JPH3: variants seen among roughly 807,000 people sequenced by gnomAD.
The protein encoded by JPH3 is junctophilin-3.
JPH3 carries 11 observed loss-of-function variants against 59.6 expected under a neutral mutation model. The ratio of observed to expected loss-of-function variants is 0.18; its 90% CI spans 0.12 to 0.31. JPH3 has a LOEUF of 0.31. JPH3 is among the 10% of genes least tolerant of loss of function. JPH3 has a pLI of 1.00. For synonymous variants in JPH3, 673 were observed against 483.6 expected (o/e 1.39, Z -5.14); for missense variants, 1,202 against 1,105.7 (o/e 1.09, Z -1.24).
chr16:87,637,317 C>T (rs2031783471), intron 1 of JPH3, among the ~76,000 whole-genome samples: 1 of 152,104 alleles, frequency 6.6e-6, no homozygotes, highest in Non-Finnish European at 1.5e-5. Context: ...AAACCCCAGC[C>T]CTGTGAGCAG....
At position 87,684,172 on chromosome 16, in the gene JPH3, A is replaced by G; in HGVS notation, c.1191A>G (p.Ala397=). ...RTSHSRAKAE[A]ALTAAQKAQE... ...CCCACTCTCGGGCAAAGGCCGAGGC[A>G]GCCCTCACAGCAGCTCAGAAAGCCC... Residue 397 remains alanine, a synonymous_variant, in exon 3 of 5, where the codon GCA becomes GCG. Transcript: ENST00000284262. 1.2e-6 allele frequency: 2 copies of G among 1,613,638 alleles called. No homozygotes were observed. The highest frequency in any genetic ancestry group is 2.2e-5 in the East Asian group (1 of 44,882).
chr16:87,618,425 C>T (rs1211655522), intron 1 of JPH3, among the ~76,000 whole-genome samples: 5 of 152,216 alleles, frequency 3.3e-5, no homozygotes, highest in Admixed American at 2.0e-4. Context: ...TTGTGGCAAA[C>T]ACCTCATCCC....
chr16:87,695,097 TCTC>T (rs1372127391), intron 4 of JPH3: 2 of 352,808 alleles, frequency 5.7e-6, no homozygotes, highest in African/African-American at 4.3e-5. Context: ...TCCCCGGTGT[TCTC>T]ATCAATTCTC....
chr16:87,610,200 C>T (rs529417011), intron 1 of JPH3, among the ~76,000 whole-genome samples: 10 of 152,164 alleles, frequency 6.6e-5, no homozygotes, highest in East Asian at 1.9e-4. Flanking sequence ...TAAATACAGA[C>T]GAAGCTTCAC....
chr16:87,690,482 C>G lies in JPH3; in HGVS notation c.2122C>G (p.Leu708Val), dbSNP rs764066876. The G allele has an allele frequency of 2.7e-6, 4 of 1,488,254 alleles. No individual in the cohort carries two copies. The highest frequency in any genetic ancestry group is 2.8e-5 in the South Asian group (2 of 70,508). 92.2% of individuals were successfully genotyped at this position (1,488,254 alleles called of 1,614,324 possible). The change falls in exon 4 of 5, where the codon CTA becomes GTA. Residue 708 changes from leucine to valine, a missense_variant. Transcript: ENST00000284262. Reference protein sequence around the residue: ...SPPQKSLPVALESDEENGDEL... With the variant: ...SPPQKSLPVAVESDEENGDEL... The stretch of plus-strand genomic sequence containing the variant: ...GCCCCAGAAATCCTTGCCTGTCGCT[C>G]TAGAGTCCGACGAGGAGAATGGGGA...
Position 87,651,524 on chromosome 16 carries a change from C to T in JPH3, c.1160+6489C>T, listed in dbSNP as rs145278148. Among the ~76,000 whole-genome samples the T allele has an allele frequency of 7.9e-4, 120 of 152,312 alleles. 3 individuals are homozygous for T. The highest frequency in any genetic ancestry group is 6.8e-3 in the Admixed American group (104 of 15,300). The stretch of plus-strand genomic sequence containing the variant: ...TCAAGGTTGGAGGTCAAAACATCCA[C>T]ATTAACAAGAATTTAGAAGAAGTTG... On this transcript the variant is annotated intron_variant, in intron 2 of 4. Coordinates refer to ENST00000284262, the MANE Select transcript of JPH3 (RefSeq NM_020655.4).
intron 2 of JPH3, among the ~76,000 whole-genome samples, chr16:87,648,152 A>G (rs1200433994): frequency 6.6e-6 from 1 of 151,988 alleles, no homozygotes; most frequent in East Asian, 1.9e-4. Flanking sequence ...GCTACACAGT[A>G]TTTTTGGTCA....
intron 2 of JPH3, among the ~76,000 whole-genome samples, chr16:87,681,991 G>T (rs113670075): frequency 6.6e-6 from 1 of 152,180 alleles, no homozygotes; most frequent in Non-Finnish European, 1.5e-5. Context: ...TGCTTGTGGC[G>T]GGGGGTCATG....
chr16:87,642,524 C>G (rs2031988323), intron 1 of JPH3, among the ~76,000 whole-genome samples: 2 of 152,368 alleles, frequency 1.3e-5, no homozygotes, highest in South Asian at 2.1e-4. Flanking sequence ...ACGAATAAAA[C>G]CTACGTATCA....
chr16:87,656,450 C>T (rs1049365009), intron 2 of JPH3, among the ~76,000 whole-genome samples: 4 of 152,194 alleles, frequency 2.6e-5, no homozygotes, highest in Non-Finnish European at 2.9e-5. Context: ...GGGAGATGAG[C>T]CACGTTCTGC....
chr16:87,637,781 C>T (rs1384645028), intron 1 of JPH3, among the ~76,000 whole-genome samples: 1 of 152,182 alleles, frequency 6.6e-6, no homozygotes. Flanking sequence ...TGGCTTCTTG[C>T]TCAAGGATTC....
In JPH3 at chr16:87,618,314, G is replaced by A. The variant is rs377666545; in HGVS notation, c.382+14786G>A. The stretch of plus-strand genomic sequence containing the variant: ...TGGGCAGAGGAAGAGGAGGCAGGAG[G>A]AGGGAGGGAGGCCGGGCAGCAGCTG... On this transcript the variant is annotated intron_variant, in intron 1 of 4. Coordinates refer to ENST00000284262, the MANE Select transcript of JPH3 (RefSeq NM_020655.4). Among the ~76,000 whole-genome samples the A allele has an allele frequency of 4.5e-4, 69 of 152,342 alleles. No individual in the cohort carries two copies. In the East Asian group the frequency reaches 0.011, roughly 23 times the overall value.
At chr16:87,660,100 C>A (rs1469092636) in intron 2 of JPH3, among the ~76,000 whole-genome samples, 1 of 152,154 alleles carries the variant, frequency 6.6e-6, no homozygotes, top group Non-Finnish European at 1.5e-5. Flanking sequence ...CCCTGTGCCT[C>A]AGTTTCCTCA....
At chr16:87,664,524 CTG>C (rs902695967) in intron 2 of JPH3, among the ~76,000 whole-genome samples, 2 of 151,992 alleles carry the variant, frequency 1.3e-5, no homozygotes, top group Non-Finnish European at 2.9e-5. Flanking sequence ...ACTGAGGAGA[CTG>C]AGGCAGGAGA....
At chr16:87,682,748 C>T (rs942901840) in intron 2 of JPH3, among the ~76,000 whole-genome samples, 12 of 152,188 alleles carry the variant, frequency 7.9e-5, no homozygotes, top group Admixed American at 5.9e-4. Context: ...AGGGAGTCTG[C>T]TCGGAGGGGG....
At chr16:87,621,149 A>C (rs1567585264) in intron 1 of JPH3, among the ~76,000 whole-genome samples, 1 of 149,444 alleles carries the variant, frequency 6.7e-6, no homozygotes, top group African/African-American at 2.5e-5. Context: ...ACAGAGCGAG[A>C]CTCTGTCTCA....
At chr16:87,696,445 G>A (rs550764745) in intron 4 of JPH3, 135 bp from the exon 5 acceptor site, 27 of 724,344 alleles carry the variant, frequency 3.7e-5, no homozygotes, top group South Asian at 4.7e-5. Flanking sequence ...GTGTCCAAGC[G>A]TTTCTAACAT....
intron 1 of JPH3, among the ~76,000 whole-genome samples, chr16:87,615,240 A>G (rs1406454665): frequency 2.0e-5 from 3 of 152,190 alleles, no homozygotes; most frequent in African/African-American, 7.2e-5. Context: ...CAGTTTGCCC[A>G]GTGAGTAGAA....
At position 87,690,246 on chromosome 16, in the gene JPH3, G is replaced by T; in HGVS notation, c.1886G>T (p.Arg629Leu). The change falls in exon 4 of 5, where the codon CGC becomes CTC. Residue 629 changes from arginine to leucine, a missense_variant. Transcript: ENST00000284262. ...LRMETHPQKR[R>L]YSKGGACRGL... ...ATGGAGACGCATCCCCAGAAAAGAC[G>T]CTACAGCAAGGGCGGCGCCTGCCGG... 1 of 1,604,660 alleles carries T rather than the reference G, an allele frequency of 6.2e-7. No homozygotes were observed. The highest frequency in any genetic ancestry group is 1.7e-5 in the Admixed American group (1 of 59,048).
Sources: gnomAD v4.1 joint callset for allele counts (sites outside exome capture counted in the v4.1 genomes callset) on GRCh38, gnomAD v4.1.1 for gene constraint, MANE v1.5 for transcripts, NCBI Gene and HGNC (gene_info 2026-07-23, HGNC 2026-07-21) for gene names.